The following BTBD16 variants were observed in gnomAD, a reference collection of about 807,000 sequenced individuals.
BTBD16 encodes the protein BTB domain containing 16, also known as BTB/POZ domain-containing protein 16.
BTBD16 carries 66 observed loss-of-function variants against 67.4 expected under a neutral mutation model. That is an observed-to-expected ratio of 0.98 (90% CI 0.80 to 1.20). BTBD16 has a LOEUF of 1.20. Ranked by LOEUF, BTBD16 falls within the 50% of genes most tolerant of loss-of-function variation. BTBD16 has a pLI of 0.00. For missense variants in BTBD16, 634 were observed against 616.0 expected, an observed-to-expected ratio of 1.03 and a Z score of -0.31; for synonymous variants, 242 against 236.4, an observed-to-expected ratio of 1.02 and a Z score of -0.22.
At chr10:122,281,356 AC>A (rs2096352731) in intron 3 of BTBD16, among the ~76,000 whole-genome samples, 1 of 151,256 alleles carries the variant, frequency 6.6e-6, no homozygotes, top group Non-Finnish European at 1.5e-5. Flanking sequence ...GGCCTTCCCC[AC>A]CTCTATTTGT....
chr10:122,310,555 G>A (rs1386510098), intron 10 of BTBD16, among the ~76,000 whole-genome samples: 3 of 152,148 alleles, frequency 2.0e-5, no homozygotes. Flanking sequence ...GGGGCAAAGG[G>A]AGCAGCTAAT....
intron 10 of BTBD16, among the ~76,000 whole-genome samples, chr10:122,322,609 A>G (rs906317059): frequency 2.0e-5 from 3 of 152,184 alleles, no homozygotes; most frequent in African/African-American, 7.2e-5. Flanking sequence ...AAGATGTGAG[A>G]AGCAGCCCAT....
intron 3 of BTBD16, among the ~76,000 whole-genome samples, chr10:122,281,209 T>G (rs781653158): frequency 1.3e-5 from 2 of 152,162 alleles, no homozygotes; most frequent in Non-Finnish European, 2.9e-5. Context: ...CCAGTTTGAG[T>G]TGCAAGGCAG....
intron 3 of BTBD16, among the ~76,000 whole-genome samples, chr10:122,279,188 A>G (rs1346826369): frequency 3.3e-5 from 5 of 152,086 alleles, no homozygotes; most frequent in African/African-American, 4.8e-5. Flanking sequence ...TGTAATAAAC[A>G]CAAACTTGTC....
intron 7 of BTBD16, 30 bp downstream of exon 7, chr10:122,291,224 G>T: frequency 6.3e-7 from 1 of 1,597,922 alleles, no homozygotes. Context: ...TTTGGGCAGG[G>T]CCGGGCCTGG....
rs1320040555 is a variant in BTBD16, at chr10:122,336,563, G to A, written c.1333G>A (p.Ala445Thr). 1 of 1,612,902 alleles carries A rather than the reference G, an allele frequency of 6.2e-7. No individual in the cohort carries two copies. The highest frequency in any genetic ancestry group is 8.5e-7 in the Non-Finnish European group (1 of 1,179,624). ...GCACAACCACGTCAGCCTGCGAGCGGCACGCCTGGTGAAGTATGAGATCAG... is the reference window on the plus strand; with the variant it reads ...GCACAACCACGTCAGCCTGCGAGCGACACGCCTGGTGAAGTATGAGATCAG... ...YEHNHVSLRA[A>T]RLVKYEIRAE... Residue 445 changes from alanine (A) to threonine (T), a missense_variant, in exon 15 of 16, where the codon GCA (alanine) becomes ACA (threonine). Coordinates refer to ENST00000260723, the MANE Select transcript of BTBD16 (RefSeq NM_144587.5).
At chr10:122,314,451 C>T (rs1013074490) in intron 10 of BTBD16, among the ~76,000 whole-genome samples, 2 of 152,158 alleles carry the variant, frequency 1.3e-5, no homozygotes, top group African/African-American at 2.4e-5. Flanking sequence ...CTGCAGTAAG[C>T]TGTGATTGTG....
intron 10 of BTBD16, among the ~76,000 whole-genome samples, chr10:122,325,279 A>G (rs1027650555): frequency 6.6e-6 from 1 of 152,232 alleles, no homozygotes; most frequent in East Asian, 1.9e-4. Flanking sequence ...AGGCACTATA[A>G]AAGACACCAA....
intron 11 of BTBD16, among the ~76,000 whole-genome samples, chr10:122,330,349 A>G (rs1441151888): frequency 6.6e-6 from 1 of 152,184 alleles, no homozygotes; most frequent in Non-Finnish European, 1.5e-5. Flanking sequence ...ATAAAAATAG[A>G]AATTTTAAAT....
chr10:122,299,654 C>T (rs1373299853), intron 9 of BTBD16, among the ~76,000 whole-genome samples: 3 of 152,076 alleles, frequency 2.0e-5, no homozygotes, highest in East Asian at 1.9e-4. Context: ...ATCTGACTAG[C>T]GGATCAAGCT....
intron 15 of BTBD16, 48 bp downstream of exon 15, chr10:122,336,730 C>T: frequency 7.4e-6 from 11 of 1,481,802 alleles, no homozygotes; most frequent in Non-Finnish European, 9.9e-6. Context: ...TGCTCTTTCT[C>T]TCCCCCATCC....
chr10:122,284,413 C>T (rs907007906), intron 4 of BTBD16, among the ~76,000 whole-genome samples: 3 of 151,670 alleles, frequency 2.0e-5, no homozygotes, highest in African/African-American at 7.3e-5. Context: ...TGCACCACTG[C>T]ACTCCAGCCT....
At chr10:122,309,333 T>G (rs2096409289) in intron 10 of BTBD16, among the ~76,000 whole-genome samples, 1 of 150,464 alleles carries the variant, frequency 6.6e-6, no homozygotes, top group Admixed American at 6.7e-5. Flanking sequence ...TGTTTGTTTG[T>G]TTTTTGGTTT....
Position 122,332,512 on chromosome 10 carries a change from A to C in BTBD16, c.1163A>C (p.Gln388Pro). 6.2e-7 allele frequency: 1 copy of C among 1,612,724 alleles called. No individual in the cohort carries two copies. The highest frequency in any genetic ancestry group is 8.5e-7 in the Non-Finnish European group (1 of 1,178,824). ...GTGAGATTTGGGCTGCTCTTTAACC[A>C]GGTACTGAGAACTGTACCCGAACAA... ...QAVRFGLLFN[Q>P]ENTTYSKTIA... Residue 388 changes from glutamine (Q) to proline (P), a missense_variant and splice_region_variant, in exon 13 of 16, where the codon CAG becomes CCG. Physicochemically the swap from Gln to Pro is moderately conservative, Grantham distance 76. Transcript: ENST00000260723.
chr10:122,280,616 T>G (rs962054008), intron 3 of BTBD16, among the ~76,000 whole-genome samples: 2 of 150,716 alleles, frequency 1.3e-5, no homozygotes, highest in Non-Finnish European at 3.0e-5. Flanking sequence ...ATTTTATTTA[T>G]TTTTAACCAG....
intron 5 of BTBD16, chr10:122,287,543 T>C (rs2096366192): frequency 1.1e-6 from 1 of 911,398 alleles, no homozygotes; most frequent in Non-Finnish European, 1.3e-6. Flanking sequence ...AACTCCAGGG[T>C]CTCCTCGCAA....
At chr10:122,336,076 GCAAGTCA>G (rs1227005566) in intron 14 of BTBD16, among the ~76,000 whole-genome samples, 1 of 152,168 alleles carries the variant, frequency 6.6e-6, no homozygotes, top group African/African-American at 2.4e-5. Flanking sequence ...GTCCCCTGGA[GCAAGTCA>G]TTTCTCTTCC....
intron 12 of BTBD16, chr10:122,332,100 C>A: frequency 4.5e-6 from 1 of 221,224 alleles, no homozygotes; most frequent in Non-Finnish European, 9.0e-6. Context: ...CCAGCCCTCA[C>A]CTTGGAGCCT....
chr10:122,284,325 T>C (rs2142055644), intron 4 of BTBD16, among the ~76,000 whole-genome samples: 1 of 152,136 alleles, frequency 6.6e-6, no homozygotes, highest in East Asian at 1.9e-4. Context: ...GGCATGCACA[T>C]GTAATCCCAG....
Sources: gnomAD v4.1 joint callset for allele counts (sites outside exome capture counted in the v4.1 genomes callset) on GRCh38, gnomAD v4.1.1 for gene constraint, MANE v1.5 for transcripts, NCBI Gene and HGNC (gene_info 2026-07-23, HGNC 2026-07-21) for gene names.